The following RAP1GAP2 variants were observed in gnomAD, a reference collection of about 807,000 sequenced individuals.
RAP1GAP2 encodes the protein rap1 GTPase-activating protein 2.
In RAP1GAP2, 27 loss-of-function variants were observed where a neutral mutation model predicts 95.0. That is an observed-to-expected ratio of 0.28 (90% confidence interval 0.21 to 0.39). The LOEUF is 0.39. Ranked by LOEUF, RAP1GAP2 falls within the 10% of genes least tolerant of loss-of-function variation. RAP1GAP2 has a pLI of 1.00. For missense variants in RAP1GAP2, 771 were observed against 970.0 expected (o/e 0.79, Z 2.72); for synonymous variants, 373 against 380.9 (o/e 0.98, Z 0.24).
upstream of RAP1GAP2, among the ~76,000 whole-genome samples, chr17:2,772,212 T>C (rs2068411350): frequency 6.6e-6 from 1 of 152,310 alleles, no homozygotes; most frequent in South Asian, 2.1e-4. Flanking sequence ...GGTCTCGAAC[T>C]CCTGACCTCA....
chr17:2,760,688 T>C (rs2071229795), intron 1 of RAP1GAP2, among the ~76,000 whole-genome samples: 1 of 151,444 alleles, frequency 6.6e-6, no homozygotes, highest in African/African-American at 2.4e-5. Flanking sequence ...TTTTCCCTAA[T>C]GTCCTTTCCC....
chr17:2,989,829 T>C (rs1440675219), intron 11 of RAP1GAP2, among the ~76,000 whole-genome samples: 2 of 136,182 alleles, frequency 1.5e-5, no homozygotes, highest in Non-Finnish European at 3.1e-5. Context: ...ATCGTGCACC[T>C]GTCCTCACTA....
chr17:2,909,419 CAG>C (rs904907172), intron 3 of RAP1GAP2, among the ~76,000 whole-genome samples: 18 of 151,984 alleles, frequency 1.2e-4, no homozygotes, highest in African/African-American at 4.4e-4. Context: ...TGGAGATGGT[CAG>C]AGTCAGAGGG....
chr17:2,837,306 C>A (rs1170384875), intron 2 of RAP1GAP2, among the ~76,000 whole-genome samples: 1 of 150,882 alleles, frequency 6.6e-6, no homozygotes, highest in Non-Finnish European at 1.5e-5. Context: ...AAGCCTGCAT[C>A]GTGTACCTAC....
Position 3,003,119 on chromosome 17 carries a change from G to A in RAP1GAP2, c.1201-2250G>A, listed in dbSNP as rs2046219717. Among the ~76,000 whole-genome samples, 1 of 152,172 alleles carries A rather than the reference G, an allele frequency of 6.6e-6. No homozygotes were observed. The highest frequency in any genetic ancestry group is 2.1e-4 in the South Asian group (1 of 4,832). ...AGACAAGACCTCTCGCTAGAGGGAG[G>A]AAATGGAAGCTGAGAGCTGAACCCA... On this transcript the variant is annotated intron_variant, in intron 14 of 24. Coordinates refer to ENST00000254695, the MANE Select transcript of RAP1GAP2 (RefSeq NM_015085.5). This position sits in a 1 kb window ranked among gnomAD's most constrained non-coding sequence, Gnocchi z 4.1.
chr17:2,954,061 A>G (rs980751400), intron 3 of RAP1GAP2, among the ~76,000 whole-genome samples: 1 of 152,128 alleles, frequency 6.6e-6, no homozygotes, highest in East Asian at 1.9e-4. Flanking sequence ...TACTCTGGAC[A>G]TTTGATTAAA....
intron 3 of RAP1GAP2, among the ~76,000 whole-genome samples, chr17:2,909,067 G>T (rs192316392): frequency 6.6e-6 from 1 of 152,264 alleles, no homozygotes; most frequent in East Asian, 1.9e-4. Context: ...ATTCTGTGCT[G>T]GAGGTAAACA....
At chr17:2,814,305 C>T (rs1025323435) in intron 2 of RAP1GAP2, among the ~76,000 whole-genome samples, 1 of 152,188 alleles carries the variant, frequency 6.6e-6, no homozygotes, top group Non-Finnish European at 1.5e-5. Flanking sequence ...TGATCTTCAG[C>T]TGCAGCCCGA....
At chr17:2,959,088 C>G (rs2044219749) in intron 4 of RAP1GAP2, among the ~76,000 whole-genome samples, 2 of 152,128 alleles carry the variant, frequency 1.3e-5, no homozygotes, top group Non-Finnish European at 2.9e-5. Flanking sequence ...ATTTTCGCCT[C>G]TAGTCAGTGG....
In RAP1GAP2 at chr17:2,937,682, T is replaced by A. The variant is rs150227328; in HGVS notation, c.166-20077T>A. 2.3e-3 allele frequency among the ~76,000 whole-genome samples: 352 copies of A among 152,318 alleles called. 2 individuals are homozygous for A. The highest frequency in any genetic ancestry group is 4.1e-3 in the Non-Finnish European group (276 of 68,020). On this transcript the variant is annotated intron_variant, in intron 3 of 24. Transcript: ENST00000254695. ...ATATCATTTCTCCAAGATAGTCTTT[T>A]ATGTCAGAATTTTGAGTTGGAAGGA...
Position 2,985,586 on chromosome 17 carries a change from A to G in RAP1GAP2, c.813+520A>G, listed in dbSNP as rs373200692. Among the ~76,000 whole-genome samples the G allele has an allele frequency of 7.2e-5, 11 of 152,302 alleles. No individual in the cohort carries two copies. The East Asian group carries it at 1.4e-3, about 19-fold the overall frequency. ...GAAATTTGCAAACACCAGGGTTTCTATCTTCCTCCTTTGGAGAGCCAGTGA... is the reference window on the plus strand; with the variant it reads ...GAAATTTGCAAACACCAGGGTTTCTGTCTTCCTCCTTTGGAGAGCCAGTGA... On this transcript the variant is annotated intron_variant, in intron 11 of 24. Coordinates refer to ENST00000254695, the MANE Select transcript of RAP1GAP2 (RefSeq NM_015085.5).
chr17:2,893,455 C>G (rs1188337483), intron 2 of RAP1GAP2, among the ~76,000 whole-genome samples: 1 of 152,218 alleles, frequency 6.6e-6, no homozygotes, highest in Non-Finnish European at 1.5e-5. Flanking sequence ...CTATTTATAT[C>G]TCCTAAAGGA....
chr17:2,812,850 C>T (rs573913686), intron 2 of RAP1GAP2, among the ~76,000 whole-genome samples: 10 of 151,702 alleles, frequency 6.6e-5, no homozygotes, highest in Non-Finnish European at 1.5e-4. Flanking sequence ...ACTAGCCAGG[C>T]GTGGTGGTGG....
chr17:2,963,835 C>G lies in RAP1GAP2; in HGVS notation c.280-21C>G. 6.4e-7 allele frequency: 1 copy of G among 1,553,626 alleles called. No homozygotes were observed. Among genetic ancestry groups the G allele is most frequent in the Non-Finnish European group, 8.7e-7 (1 of 1,146,522 alleles). On this transcript the variant is annotated intron_variant, in intron 6 of 24. Coordinates refer to ENST00000254695, the MANE Select transcript of RAP1GAP2 (RefSeq NM_015085.5). The surrounding 1 kb of genome is among the most constrained non-coding windows in gnomAD (Gnocchi z 4.8). ...TCCCCTGCGGTCCCAGGGGAGCGCA[C>G]GACCCTCCCTCTGCCTTCAGGTTGT...
rs1475705966 is a variant in RAP1GAP2 at position 3,004,353 on chromosome 17, C to T, written c.1201-1016C>T. On this transcript the variant is annotated intron_variant, in intron 14 of 24. Coordinates refer to ENST00000254695, the MANE Select transcript of RAP1GAP2 (RefSeq NM_015085.5). The surrounding 1 kb of genome is among the most constrained non-coding windows in gnomAD (Gnocchi z 4.1). Reference sequence around the variant, plus strand: ...CCCTCCGGACTCTGGCAGGGCCTTTCCTTGGCTCGGTGCCCAGCTGCCTGC... The same window carrying T: ...CCCTCCGGACTCTGGCAGGGCCTTTTCTTGGCTCGGTGCCCAGCTGCCTGC... Among the ~76,000 whole-genome samples, 1 of 152,248 alleles carries T rather than the reference C, an allele frequency of 6.6e-6. No homozygotes were observed. The highest frequency in any genetic ancestry group is 2.4e-5 in the African/African-American group (1 of 41,474).
In RAP1GAP2 at chr17:2,987,749, T is replaced by A. The variant is rs1256198857; in HGVS notation, c.813+2683T>A. 3.3e-5 allele frequency among the ~76,000 whole-genome samples: 5 copies of A among 152,240 alleles called. No homozygotes were observed. The South Asian group carries it at 6.2e-4, about 19-fold the overall frequency. On this transcript the variant is annotated intron_variant, in intron 11 of 24. Coordinates refer to ENST00000254695, the MANE Select transcript of RAP1GAP2 (RefSeq NM_015085.5). Reference sequence around the variant, plus strand: ...AATGAAGGTAATTCTAAAAAAAAAATACTGTAAAAAGCAAAATAAAATTAT... The same window carrying A: ...AATGAAGGTAATTCTAAAAAAAAAAAACTGTAAAAAGCAAAATAAAATTAT...
chr17:2,889,889 A>ATATATTTTTTTT (rs1408426152), intron 2 of RAP1GAP2, among the ~76,000 whole-genome samples: 51 of 57,290 alleles, frequency 8.9e-4, no homozygotes, highest in East Asian at 8.3e-3. Flanking sequence ...ATATATATAT[A>ATATATTTTTTTT]TTTTTTTTTT....
intron 3 of RAP1GAP2, among the ~76,000 whole-genome samples, chr17:2,927,211 T>G (rs1182265590): frequency 2.0e-5 from 3 of 150,460 alleles, no homozygotes; most frequent in African/African-American, 4.9e-5. Context: ...TGGAGTGCAG[T>G]GGCGCGATCT....
At chr17:2,791,857 CTTTTTTT>C (rs530185952), upstream of RAP1GAP2, among the ~76,000 whole-genome samples, 8 of 136,030 alleles carry the variant, frequency 5.9e-5, no homozygotes, top group East Asian at 4.2e-4. Context: ...CCTTTTCTCT[CTTTTTTT>C]TTTTTTTTTT....
Sources: allele counts gnomAD v4.1 joint callset (sites outside exome capture counted in the v4.1 genomes callset), GRCh38; gene constraint gnomAD v4.1.1; non-coding constraint Gnocchi (gnomAD v3.1); transcripts MANE v1.5; gene names NCBI Gene and HGNC (gene_info 2026-07-23, HGNC 2026-07-21).